The following PLEKHM2 variants were observed in gnomAD, a reference collection of about 807,000 sequenced individuals.
The protein encoded by PLEKHM2 is pleckstrin homology and RUN domain containing M2, also known as pleckstrin homology domain-containing family M member 2.
Under a neutral mutation model 116.3 loss-of-function variants are expected in PLEKHM2, and 77 were observed. The observed-to-expected ratio is 0.66, with a 90% confidence interval of 0.55 to 0.80. The LOEUF (loss-of-function observed/expected upper bound fraction) is 0.80. Among genes scored for constraint, PLEKHM2 ranks in the 30% least tolerant of loss-of-function variants. The pLI is 0.00. For missense variants in PLEKHM2, 1,183 were observed against 1,354.9 expected (o/e 0.87, Z 1.99); for synonymous variants, 562 against 571.0 (o/e 0.98, Z 0.22).
chr1:15,728,986 G>T lies in PLEKHM2; in HGVS notation c.1987-116G>T. On this transcript the variant is annotated intron_variant, in intron 12 of 19. Coordinates refer to ENST00000375799, the MANE Select transcript of PLEKHM2 (RefSeq NM_015164.4). The surrounding 1 kb of genome is among the most constrained non-coding windows in gnomAD (Gnocchi z 5.9). ...CCCCTGGCCTCTGGGGCTTTACTTG[G>T]TGGTGGCCCGGGGTGTGCTTCTTCC... 1.0e-6 allele frequency: 1 copy of T among 970,246 alleles called. No homozygotes were observed. The highest frequency in any genetic ancestry group is 2.6e-5 in the East Asian group (1 of 37,984). 60.1% of individuals were successfully genotyped at this position (970,246 alleles called of 1,614,324 possible). A position where few individuals can be genotyped will look rare whatever the true frequency, so the allele number is the denominator to read the frequency against.
At chr1:15,724,959 T>C (rs1401151513) in intron 7 of PLEKHM2, among the ~76,000 whole-genome samples, 1 of 152,114 alleles carries the variant, frequency 6.6e-6, no homozygotes, top group Non-Finnish European at 1.5e-5. Flanking sequence ...GGCTCCTCTC[T>C]AGGGCTCCCA....
intron 17 of PLEKHM2, 121 bp downstream of exon 17, chr1:15,732,169 C>G (rs560394399): frequency 3.8e-6 from 4 of 1,045,962 alleles, no homozygotes; most frequent in Non-Finnish European, 5.6e-6. Context: ...CTCCAGGGGG[C>G]AGCCCAGGAA....
At chr1:15,682,638 C>CAAAAAAAAAAAAAA (rs1261914010), upstream of PLEKHM2, among the ~76,000 whole-genome samples, 1 of 70,790 alleles carries the variant, frequency 1.4e-5, no homozygotes, top group Non-Finnish European at 2.8e-5. Context: ...CAAAACAAAA[C>CAAAAAAAAAAAAAA]AAAACAAAAA....
chr1:15,731,184 C>A lies in PLEKHM2; in HGVS notation c.2400-8C>A, dbSNP rs771008149. 6.3e-7 allele frequency: 1 copy of A among 1,589,484 alleles called. No homozygotes were observed. The highest frequency in any genetic ancestry group is 8.6e-7 in the Non-Finnish European group (1 of 1,167,154). ...AGGCCTCACTCGCCCTGTGTTGTGC[C>A]CCTGCAGCAACGGGATCCTCTACCA... On this transcript the variant is annotated splice_polypyrimidine_tract_variant and splice_region_variant and intron_variant, in intron 15 of 19. Transcript: ENST00000375799.
chr1:15,685,216 G>T (rs982049295), intron 1 of PLEKHM2, among the ~76,000 whole-genome samples: 3 of 152,234 alleles, frequency 2.0e-5, no homozygotes, highest in African/African-American at 7.2e-5. Flanking sequence ...CCGGGGAACC[G>T]GGTGACACCA....
At chr1:15,696,334 C>G (rs907241252) in intron 1 of PLEKHM2, among the ~76,000 whole-genome samples, 5 of 152,160 alleles carry the variant, frequency 3.3e-5, no homozygotes, top group African/African-American at 1.2e-4. Context: ...AACCACCTAA[C>G]AAATATTTGT....
chr1:15,686,647 A>ATTTTTTTTTTTTTTTTTTTTTTTTT (rs1361252513), intron 1 of PLEKHM2, among the ~76,000 whole-genome samples: 1 of 140,876 alleles, frequency 7.1e-6, no homozygotes, highest in African/African-American at 3.0e-5. Context: ...CACCCGGCTA[A>ATTTTTTTTTTTTTTTTTTTTTTTTT]ATTTTTTTTT....
chr1:15,706,247 C>T (rs1377440358), intron 1 of PLEKHM2, among the ~76,000 whole-genome samples: 1 of 152,074 alleles, frequency 6.6e-6, no homozygotes, highest in African/African-American at 2.4e-5. Flanking sequence ...CCTTCTTGAC[C>T]TCATCTCATG....
chr1:15,716,817 G>A lies in PLEKHM2; in HGVS notation c.277+1G>A. The A allele has an allele frequency of 6.4e-7, 1 of 1,559,222 alleles. No individual in the cohort carries two copies. Among genetic ancestry groups the A allele is most frequent in the Non-Finnish European group, 8.7e-7 (1 of 1,151,362 alleles). ...CACGTGGCCACCAACCTGGGGCGCA[G>A]TGAGTAGTCACAAGGAGACGCTGGG... On this transcript the variant is annotated splice_donor_variant, in intron 3 of 19. Transcript: ENST00000375799. LOFTEE classifies it high-confidence loss of function.
intron 15 of PLEKHM2, 110 bp from the exon 16 acceptor site, chr1:15,731,082 T>C (rs2068135877): frequency 7.5e-6 from 6 of 796,964 alleles, no homozygotes; most frequent in Admixed American, 2.1e-5. Flanking sequence ...GTCCTTTGCC[T>C]CAGGTTCATG....
chr1:15,713,881 G>A lies in PLEKHM2; in HGVS notation c.61-2356G>A, dbSNP rs953359145. 6.7e-5 allele frequency among the ~76,000 whole-genome samples: 10 copies of A among 148,932 alleles called. No individual in the cohort carries two copies. In the East Asian group the frequency reaches 8.0e-4, roughly 12 times the overall value. On this transcript the variant is annotated intron_variant, in intron 1 of 19. Transcript: ENST00000375799. ...TCTTGATCTCCTGACCTCGTGATCCGCCCACCTCGGCCTCCCAAAGCGGTG... is the reference window on the plus strand; with the variant it reads ...TCTTGATCTCCTGACCTCGTGATCCACCCACCTCGGCCTCCCAAAGCGGTG...
At chr1:15,723,723 C>T (rs1384488095) in intron 7 of PLEKHM2, among the ~76,000 whole-genome samples, 1 of 134,784 alleles carries the variant, frequency 7.4e-6, no homozygotes, top group Admixed American at 8.3e-5. Context: ...CCAGTCCGAG[C>T]GACACAGCGA....
chr1:15,734,073 T>C lies in PLEKHM2; in HGVS notation c.*139T>C. ...GGCGGCAGAACCACCGAGTGTGGCT[T>C]AAGACAGGGTCCCTCCACTCCAGGG... On this transcript the variant is annotated 3_prime_UTR_variant, in exon 20 of 20. Transcript: ENST00000375799. 1.1e-6 allele frequency: 1 copy of C among 929,644 alleles called. No individual in the cohort carries two copies. Among genetic ancestry groups the C allele is most frequent in the Non-Finnish European group, 1.6e-6 (1 of 639,998 alleles). 57.6% of individuals were successfully genotyped at this position (929,644 alleles called of 1,614,324 possible). A position where few individuals can be genotyped will look rare whatever the true frequency, so the allele number is the denominator to read the frequency against.
At chr1:15,695,374 G>A (rs910093968) in intron 1 of PLEKHM2, among the ~76,000 whole-genome samples, 1 of 152,174 alleles carries the variant, frequency 6.6e-6, no homozygotes, top group Non-Finnish European at 1.5e-5. Flanking sequence ...TCCTGAACAT[G>A]TTGAGAGGAA....
Position 15,719,972 on chromosome 1 carries a change from A to T in PLEKHM2, c.652+52A>T. The stretch of plus-strand genomic sequence containing the variant: ...AAGCCCCTGTTGTGAAACAGACTTG[A>T]ACTGCTTAAGCCTGGCTGGGTGATG... On this transcript the variant is annotated intron_variant, in intron 6 of 19. Coordinates refer to ENST00000375799, the MANE Select transcript of PLEKHM2 (RefSeq NM_015164.4). This position sits in a 1 kb window ranked among gnomAD's most constrained non-coding sequence, Gnocchi z 4.1. 2 of 1,468,120 alleles carry T rather than the reference A, an allele frequency of 1.4e-6. No individual in the cohort carries two copies. The highest frequency in any genetic ancestry group is 1.9e-5 in the Admixed American group (1 of 51,436). 90.9% of individuals were successfully genotyped at this position (1,468,120 alleles called of 1,614,324 possible). A position where few individuals can be genotyped will look rare whatever the true frequency, so the allele number is the denominator to read the frequency against.
At position 15,712,405 on chromosome 1, in the gene PLEKHM2, G is replaced by A. The variant is rs530614059; in HGVS notation, c.61-3832G>A. Reference sequence around the variant, plus strand: ...ACGGCCAGGTGGCAGGACCCAGGCAGATTGTGAATGTGTTTGTCTGTTGGC... The same window carrying A: ...ACGGCCAGGTGGCAGGACCCAGGCAAATTGTGAATGTGTTTGTCTGTTGGC... On this transcript the variant is annotated intron_variant, in intron 1 of 19. Coordinates refer to ENST00000375799, the MANE Select transcript of PLEKHM2 (RefSeq NM_015164.4). Among the ~76,000 whole-genome samples, 3 of 152,296 alleles carry A rather than the reference G, an allele frequency of 2.0e-5. No homozygotes were observed. In the South Asian group the frequency reaches 6.2e-4, roughly 32 times the overall value.
At chr1:15,699,944 A>G (rs1641076598) in intron 1 of PLEKHM2, among the ~76,000 whole-genome samples, 1 of 151,842 alleles carries the variant, frequency 6.6e-6, no homozygotes, top group African/African-American at 2.4e-5. Context: ...TGTGCCTGTG[A>G]TGAGCCACTG....
At chr1:15,696,808 A>C (rs777303619) in intron 1 of PLEKHM2, among the ~76,000 whole-genome samples, 3 of 152,212 alleles carry the variant, frequency 2.0e-5, no homozygotes, top group Non-Finnish European at 4.4e-5. Context: ...TGTACACCCC[A>C]AGTCCTCCCT....
intron 1 of PLEKHM2, among the ~76,000 whole-genome samples, chr1:15,698,264 C>T (rs1641038792): frequency 6.6e-6 from 1 of 151,978 alleles, no homozygotes; most frequent in South Asian, 2.1e-4. Context: ...GGCTGCAGTA[C>T]ACAACCATAA....
Sources: gnomAD v4.1 joint callset for allele counts (sites outside exome capture counted in the v4.1 genomes callset) on GRCh38, gnomAD v4.1.1 for gene constraint, Gnocchi (gnomAD v3.1) non-coding constraint, MANE v1.5 for transcripts, NCBI Gene and HGNC (gene_info 2026-07-23, HGNC 2026-07-21) for gene names.